MCF2: variants seen among roughly 807,000 people sequenced by gnomAD.
The protein encoded by MCF2 is proto-oncogene DBL.
A neutral mutation model predicts 82.5 loss-of-function variants in MCF2; 44 were observed. The observed-to-expected ratio is 0.53, with a 90% CI of 0.42 to 0.69. MCF2 has a LOEUF of 0.69. MCF2 is among the 30% of genes least tolerant of loss of function. The pLI, the probability that MCF2 is intolerant of heterozygous loss-of-function variation, is 0.00. For synonymous variants in MCF2, 217 were observed against 224.9 expected (o/e 0.96, Z 0.32); for missense variants, 623 against 663.1 (o/e 0.94, Z 0.66).
In MCF2 at chrX:139,656,219, A is replaced by C. The variant is rs761996730; in HGVS notation, c.-44-4431T>G. ...TGGGACTACAGGTGCCTGCCACCATACCTGGCTAATTTTTTGTGTTTTTTA... is the reference window on the plus strand; with the variant it reads ...TGGGACTACAGGTGCCTGCCACCATCCCTGGCTAATTTTTTGTGTTTTTTA... On this transcript the variant is annotated intron_variant, in intron 1 of 27. Transcript: ENST00000414978. Among the ~76,000 whole-genome samples the C allele has an allele frequency of 5.4e-5, 6 of 111,039 alleles. No homozygotes were observed. In the South Asian group the frequency reaches 2.3e-3, roughly 43 times the overall value.
chrX:139,632,491 A>T (rs1158384908), intron 1 of MCF2, 37 bp from the exon 5 acceptor site: 1 of 1,158,471 alleles, frequency 8.6e-7, no homozygotes, highest in Non-Finnish European at 1.2e-6. Context: ...TGGAAAAAAA[A>T]TTGTCAACAC....
chrX:139,672,126 A>G (rs1245292690), intron 1 of MCF2, among the ~76,000 whole-genome samples: 5 of 111,550 alleles, frequency 4.5e-5, no homozygotes, highest in African/African-American at 1.3e-4. Context: ...GTTTGTTCTT[A>G]GTGTATAGGA....
intron 1 of MCF2, among the ~76,000 whole-genome samples, chrX:139,669,704 T>C (rs1312355498): frequency 3.6e-5 from 4 of 112,097 alleles, no homozygotes; most frequent in Admixed American, 9.4e-5. Context: ...AGTGGAAAAT[T>C]ATTTGGCAAT....
intron 19 of MCF2, among the ~76,000 whole-genome samples, chrX:139,591,522 ATCTGAAGGAC>A (rs945915760): frequency 9.0e-6 from 1 of 111,291 alleles, no homozygotes; most frequent in Non-Finnish European, 1.9e-5. Context: ...GAACTAAGGA[ATCTGAAGGAC>A]TCGAATCTCC....
At chrX:139,614,794 T>C in intron 10 of MCF2, 87 bp downstream of exon 13, 1 of 882,095 alleles carries the variant, frequency 1.1e-6, no homozygotes, top group Non-Finnish European at 1.6e-6. Context: ...TCTATCCGCA[T>C]TGAAGAATAA....
intron 1 of MCF2, among the ~76,000 whole-genome samples, chrX:139,682,824 T>C (rs1285263963): frequency 1.8e-5 from 2 of 112,692 alleles, no homozygotes; most frequent in African/African-American, 6.4e-5. Flanking sequence ...TTTTCATTTG[T>C]ATTATTGTTT....
chrX:139,694,063 A>G (rs1935332315), intron 1 of MCF2, among the ~76,000 whole-genome samples: 1 of 111,819 alleles, frequency 8.9e-6, no homozygotes. Context: ...ATTGGAAAGC[A>G]CTTGGTTATA....
intron 24 of MCF2, among the ~76,000 whole-genome samples, chrX:139,584,734 C>A (rs1029842531): frequency 1.8e-5 from 2 of 111,545 alleles, no homozygotes; most frequent in South Asian, 7.6e-4. Flanking sequence ...GTATTTGAAG[C>A]CCCTTTGTTC....
chrX:139,707,608 C>A (rs1247223352), intron 1 of MCF2, among the ~76,000 whole-genome samples: 1 of 111,753 alleles, frequency 8.9e-6, no homozygotes, highest in African/African-American at 3.3e-5. Flanking sequence ...AATTTATAAG[C>A]CAACCATATG....
chrX:139,593,144 C>A (rs949801574), intron 19 of MCF2, among the ~76,000 whole-genome samples: 1 of 111,596 alleles, frequency 9.0e-6, no homozygotes, highest in African/African-American at 3.3e-5. Context: ...GGAATTTATC[C>A]ATTTCTTCTA....
intron 1 of MCF2, among the ~76,000 whole-genome samples, chrX:139,654,385 T>C (rs1370658816): frequency 8.9e-6 from 1 of 111,953 alleles, no homozygotes; most frequent in Admixed American, 9.5e-5. Context: ...ATTTTTCTGA[T>C]GATTAGTGAT....
intron 13 of MCF2, among the ~76,000 whole-genome samples, chrX:139,605,328 T>C (rs1318774352): frequency 1.8e-5 from 2 of 111,170 alleles, no homozygotes; most frequent in African/African-American, 6.5e-5. Flanking sequence ...TCTCCTTAAA[T>C]TGGCAATACG....
chrX:139,702,038 T>C (rs1050528092), intron 1 of MCF2, among the ~76,000 whole-genome samples: 1 of 111,474 alleles, frequency 9.0e-6, no homozygotes, highest in Admixed American at 9.5e-5. Flanking sequence ...TGCAATGGTT[T>C]ACCTGGCCTG....
At chrX:139,686,073 A>C (rs1935115609) in intron 1 of MCF2, among the ~76,000 whole-genome samples, 1 of 6,964 alleles carries the variant, frequency 1.4e-4, no homozygotes, top group Admixed American at 3.1e-3. Flanking sequence ...TTCACGTTAA[A>C]AAAAAAAAAA....
intron 9 of MCF2, among the ~76,000 whole-genome samples, chrX:139,615,493 C>T (rs761906972): frequency 8.9e-6 from 1 of 111,993 alleles, no homozygotes; most frequent in Non-Finnish European, 1.9e-5. Flanking sequence ...TTGCAGCAGG[C>T]TCCTCAGAGC....
At chrX:139,597,058 T>C (rs1271498450) in intron 18 of MCF2, among the ~76,000 whole-genome samples, 3 of 111,200 alleles carry the variant, frequency 2.7e-5, no homozygotes, top group African/African-American at 9.8e-5. Flanking sequence ...TGGTGCATGA[T>C]ATATACCAGT....
At position 139,651,680 on chromosome X, in the gene MCF2, C is replaced by T. The variant is rs142138001; in HGVS notation, c.25+40G>A. On this transcript the variant is annotated intron_variant, in intron 2 of 27. Coordinates refer to the MCF2 transcript ENST00000414978. ...GTACCAAACTAACTGCTAATCAAGT[C>T]ATATATCTATCTGGACTATATATAA... 4 of 883,117 alleles carry T rather than the reference C, an allele frequency of 4.5e-6. No individual in the cohort carries two copies. The South Asian group carries it at 6.9e-5, about 15-fold the overall frequency. The allele number at this position is 883,117 out of a possible 1,213,427, so 72.8% of individuals were successfully genotyped here.
At position 139,659,218 on chromosome X, in the gene MCF2, C is replaced by T. The variant is rs745905086; in HGVS notation, c.-44-7430G>A. On this transcript the variant is annotated intron_variant, in intron 1 of 27. Coordinates refer to the MCF2 transcript ENST00000414978. ...AGGAGAATTGCTTAAACCTGGGAGG[C>T]GGAGGTTGCAGTGAGGTGAGATCGT... Among the ~76,000 whole-genome samples the T allele has an allele frequency of 1.9e-4, 21 of 109,675 alleles. No homozygotes were observed. The East Asian group carries it at 3.5e-3, about 18-fold the overall frequency.
chrX:139,626,665 T>C (rs199785790), exon 5 of MCF2: 1 of 1,206,995 alleles, frequency 8.3e-7, no homozygotes, highest in African/African-American at 1.7e-5. Context: ...CCGATGACAT[T>C]CTAGTCTTGA....
Sources: allele counts gnomAD v4.1 joint callset (sites outside exome capture counted in the v4.1 genomes callset), GRCh38; gene constraint gnomAD v4.1.1; transcripts MANE v1.5; gene names NCBI Gene and HGNC (gene_info 2026-07-23, HGNC 2026-07-21).